The following SYN3 variants were observed in gnomAD, a reference collection of about 807,000 sequenced individuals.
SYN3 encodes the protein synapsin III.
A neutral mutation model predicts 65.8 loss-of-function variants in SYN3; 35 were observed. The ratio of observed to expected loss-of-function variants is 0.53; its 90% CI spans 0.41 to 0.70. SYN3 has a LOEUF of 0.70. Ranked by LOEUF, SYN3 falls within the 30% of genes least tolerant of loss-of-function variation. The probability of loss-of-function intolerance (pLI) is 0.00; values close to 1 mark genes in which losing one functional copy is unlikely to be tolerated. For missense variants in SYN3, 680 were observed against 749.0 expected (o/e 0.91, Z 1.08); for synonymous variants, 270 against 292.9 (o/e 0.92, Z 0.80).
At chr22:32,833,976 C>A in intron 6 of SYN3, 2 of 464,812 alleles carry the variant, frequency 4.3e-6, no homozygotes, top group Admixed American at 2.1e-5. Context: ...CCCACATGAC[C>A]ATCCTCCTGC....
intron 3 of SYN3, among the ~76,000 whole-genome samples, chr22:32,971,573 C>A (rs2052021170): frequency 6.6e-6 from 1 of 152,102 alleles, no homozygotes; most frequent in South Asian, 2.1e-4. Flanking sequence ...CTTCAGAGTT[C>A]AGCATCCATG....
intron 6 of SYN3, among the ~76,000 whole-genome samples, chr22:32,825,657 C>CAAA (rs130292): frequency 7.0e-5 from 2 of 28,594 alleles, no homozygotes; most frequent in Non-Finnish European, 1.2e-4. Context: ...GTTTCCATCT[C>CAAA]AAAAAAAAAA....
chr22:32,828,175 T>C (rs2047468974), intron 6 of SYN3, among the ~76,000 whole-genome samples: 1 of 152,232 alleles, frequency 6.6e-6, no homozygotes. Context: ...GCTAGGAAAT[T>C]GAGGCTGAGA....
intron 6 of SYN3, among the ~76,000 whole-genome samples, chr22:32,607,907 G>A (rs530329172): frequency 6.6e-6 from 1 of 152,296 alleles, no homozygotes; most frequent in East Asian, 1.9e-4. Context: ...CTAAATGACG[G>A]GGAAGCGAAG....
intron 1 of SYN3, among the ~76,000 whole-genome samples, chr22:33,029,075 C>A (rs981503231): frequency 6.6e-6 from 1 of 151,318 alleles, no homozygotes; most frequent in Non-Finnish European, 1.5e-5. Flanking sequence ...CTCAGACAGT[C>A]CCTAGATGAT....
At chr22:32,730,575 T>C (rs746049783) in intron 6 of SYN3, among the ~76,000 whole-genome samples, 4 of 152,198 alleles carry the variant, frequency 2.6e-5, no homozygotes, top group Non-Finnish European at 5.9e-5. Context: ...ATCTCACTTT[T>C]ACAGACAATA....
chr22:32,981,750 C>G (rs75686154), intron 2 of SYN3, among the ~76,000 whole-genome samples: 1 of 152,030 alleles, frequency 6.6e-6, no homozygotes, highest in African/African-American at 2.4e-5. Flanking sequence ...AACACCAATA[C>G]GTACCCCATA....
At chr22:32,822,635 C>A (rs1004827602) in intron 6 of SYN3, among the ~76,000 whole-genome samples, 2 of 152,146 alleles carry the variant, frequency 1.3e-5, no homozygotes, top group Non-Finnish European at 2.9e-5. Context: ...TGCAAATAGA[C>A]TGCTTAGATT....
intron 2 of SYN3, among the ~76,000 whole-genome samples, chr22:33,005,342 T>C (rs1457799465): frequency 6.6e-6 from 1 of 152,198 alleles, no homozygotes; most frequent in Non-Finnish European, 1.5e-5. Flanking sequence ...CTGGATGCAA[T>C]GCTTCCATCT....
At chr22:32,853,214 A>T (rs1405030122) in intron 6 of SYN3, among the ~76,000 whole-genome samples, 1 of 151,848 alleles carries the variant, frequency 6.6e-6, no homozygotes, top group Admixed American at 6.6e-5. Context: ...CTGCCTTAGG[A>T]CTCTCATCCA....
chr22:32,540,028 C>T (rs991262308), intron 8 of SYN3, among the ~76,000 whole-genome samples: 4 of 152,154 alleles, frequency 2.6e-5, no homozygotes, highest in African/African-American at 9.7e-5. Context: ...AGGGCAGTTA[C>T]TCCTCAAGAA....
intron 6 of SYN3, among the ~76,000 whole-genome samples, chr22:32,683,897 C>A (rs2060556084): frequency 6.6e-6 from 1 of 152,182 alleles, no homozygotes; most frequent in African/African-American, 2.4e-5. Context: ...GCTAACACTG[C>A]AGTTTCTGGG....
chr22:32,536,482 C>G (rs935029150), intron 9 of SYN3, among the ~76,000 whole-genome samples: 1 of 152,212 alleles, frequency 6.6e-6, no homozygotes, highest in African/African-American at 2.4e-5. Context: ...CATGAGCATG[C>G]CTAAGGTCAC....
At chr22:32,852,734 G>C (rs558871597) in intron 6 of SYN3, among the ~76,000 whole-genome samples, 1 of 139,834 alleles carries the variant, frequency 7.2e-6, no homozygotes, top group South Asian at 2.2e-4. Context: ...AGAGACCTGC[G>C]ATATGTGTGT....
chr22:32,940,523 C>G lies in SYN3; in HGVS notation c.370-9042G>C, dbSNP rs568219429. ...TTTCACATTTACGTCTGTAATCCAC[C>G]TAGAATTTTTAAATATATACTATGT... On this transcript the variant is annotated intron_variant, in intron 3 of 13. Coordinates refer to ENST00000358763, the MANE Select transcript of SYN3 (RefSeq NM_003490.4). Among the ~76,000 whole-genome samples, 17 of 152,184 alleles carry G rather than the reference C, an allele frequency of 1.1e-4. No homozygotes were observed. The East Asian group carries it at 3.1e-3, about 28-fold the overall frequency.
At chr22:33,047,919 G>A (rs903300020) in intron 1 of SYN3, among the ~76,000 whole-genome samples, 8 of 148,086 alleles carry the variant, frequency 5.4e-5, no homozygotes, top group Non-Finnish European at 1.0e-4. Flanking sequence ...TAACATGACC[G>A]ATGTCACACA....
At chr22:32,952,154 G>A (rs1465019623) in intron 3 of SYN3, among the ~76,000 whole-genome samples, 1 of 152,146 alleles carries the variant, frequency 6.6e-6, no homozygotes, top group African/African-American at 2.4e-5. Flanking sequence ...GCCCATTCCA[G>A]ATGAGGAAAT....
rs532504382 is a variant in SYN3 at position 32,912,440 on chromosome 22, G to A, written c.461+18950C>T. Among the ~76,000 whole-genome samples the A allele has an allele frequency of 7.2e-5, 11 of 152,268 alleles. No individual in the cohort carries two copies. The South Asian group carries it at 1.9e-3, about 26-fold the overall frequency. On this transcript the variant is annotated intron_variant, in intron 4 of 13. Transcript: ENST00000358763. ...TTTTAAAGCACTCACTCTTGGCTGG[G>A]CACGGTGGCTCACACCTGTAATCCC...
chr22:32,547,919 G>A (rs1443100996), intron 7 of SYN3, among the ~76,000 whole-genome samples: 1 of 152,170 alleles, frequency 6.6e-6, no homozygotes, highest in African/African-American at 2.4e-5. Flanking sequence ...AGGAATGAAT[G>A]AATGGCCCTC....
Sources: allele counts gnomAD v4.1 joint callset (sites outside exome capture counted in the v4.1 genomes callset), GRCh38; gene constraint gnomAD v4.1.1; transcripts MANE v1.5; gene names NCBI Gene and HGNC (gene_info 2026-07-23, HGNC 2026-07-21).